Variants in MYH11 observed in about 807,000 individuals in gnomAD.
MYH11 encodes myosin heavy chain 11, also known as myosin-11.
A neutral mutation model predicts 246.6 loss-of-function variants in MYH11; 80 were observed. That is an observed-to-expected ratio of 0.32 (90% CI 0.27 to 0.39). MYH11 has a LOEUF of 0.39. MYH11 is among the 10% of genes least tolerant of loss of function. The pLI, the probability that MYH11 is intolerant of heterozygous loss-of-function variation, is 1.00. For missense variants in MYH11, 2,158 were observed against 2,546.8 expected (o/e 0.85, Z 3.29); for synonymous variants, 1,071 against 1,015.5 (o/e 1.05, Z -1.04).
chr16:15,738,893 A>G (rs760640042), intron 23 of MYH11, among the ~76,000 whole-genome samples: 30 of 152,096 alleles, frequency 2.0e-4, no homozygotes, highest in Non-Finnish European at 2.2e-4. Context: ...TTTGTCCCTC[A>G]TATTGTATGG....
chr16:15,758,047 T>A (rs145462027), intron 12 of MYH11, 47 bp from the exon 13 acceptor site: 1 of 1,611,734 alleles, frequency 6.2e-7, no homozygotes, highest in African/African-American at 1.3e-5. Flanking sequence ...TGGTATGAAG[T>A]CAGAAGACAA....
At chr16:15,833,200 G>T (rs2043790417) in intron 2 of MYH11, among the ~76,000 whole-genome samples, 1 of 151,702 alleles carries the variant, frequency 6.6e-6, no homozygotes, top group Non-Finnish European at 1.5e-5. Flanking sequence ...TAAGGAGACT[G>T]AGATAGGATC....
intron 4 of MYH11, among the ~76,000 whole-genome samples, chr16:15,795,612 A>C (rs1409584485): frequency 6.6e-6 from 1 of 152,224 alleles, no homozygotes; most frequent in Non-Finnish European, 1.5e-5. Context: ...ACTCCATCTC[A>C]AAAACAAACA....
In MYH11 at chr16:15,838,281, G is replaced by A. The variant is rs778639172; in HGVS notation, c.-17-12C>T. 6.2e-6 allele frequency: 10 copies of A among 1,605,862 alleles called. No homozygotes were observed. The highest frequency in any genetic ancestry group is 8.5e-6 in the Non-Finnish European group (10 of 1,173,298). On this transcript the variant is annotated splice_polypyrimidine_tract_variant and intron_variant, in intron 1 of 40. Transcript: ENST00000300036. ...GCCTTGTTGGTCCCCTGTGGAATAA[G>A]GTAACAGGGTCAGAATCAGACCACA...
At chr16:15,709,718 T>G (rs1286543613) in intron 40 of MYH11, among the ~76,000 whole-genome samples, 2 of 152,196 alleles carry the variant, frequency 1.3e-5, no homozygotes, top group African/African-American at 4.8e-5. Flanking sequence ...TAAAAGCATT[T>G]GAGCAAGCTA....
At chr16:15,849,067 C>T (rs2044268665) in intron 1 of MYH11, among the ~76,000 whole-genome samples, 1 of 152,198 alleles carries the variant, frequency 6.6e-6, no homozygotes, top group South Asian at 2.1e-4. Context: ...GAGCTGCTCT[C>T]AATGTTTTTG....
At chr16:15,817,218 G>A (rs933017411) in intron 3 of MYH11, among the ~76,000 whole-genome samples, 3 of 152,136 alleles carry the variant, frequency 2.0e-5, no homozygotes, top group African/African-American at 4.8e-5. Context: ...ACGGCCGGGC[G>A]CAGTGGCTCA....
rs2040355574 is a variant in MYH11, at chr16:15,719,568, G to A, written c.5082+17C>T. 1 of 1,613,644 alleles carries A rather than the reference G, an allele frequency of 6.2e-7. No individual in the cohort carries two copies. Among genetic ancestry groups the A allele is most frequent in the African/African-American group, 1.3e-5 (1 of 74,924 alleles). On this transcript the variant is annotated intron_variant, in intron 35 of 40. Transcript: ENST00000300036. ...GACACCCGCATCTGAGGCTCTCCTA[G>A]CAAGGCGAGGCTTTACCTCTTGTAG...
intron 1 of MYH11, among the ~76,000 whole-genome samples, chr16:15,846,702 T>C (rs2044198982): frequency 6.6e-6 from 1 of 152,134 alleles, no homozygotes; most frequent in African/African-American, 2.4e-5. Flanking sequence ...TGTTTTTTAA[T>C]TACCTGTGTG....
At chr16:15,745,570 TTTTC>T (rs1567722227) in intron 19 of MYH11, among the ~76,000 whole-genome samples, 18 of 146,754 alleles carry the variant, frequency 1.2e-4, no homozygotes, top group Middle Eastern at 3.5e-3. Flanking sequence ...GCTGTTTCTT[TTTTC>T]TTTCTTTCTT....
intron 10 of MYH11, 55 bp downstream of exon 10, chr16:15,763,741 T>TCGGCGGCCCCCCCCCCCCCC: frequency 1.5e-6 from 1 of 646,862 alleles, no homozygotes; most frequent in Non-Finnish European, 2.9e-6. Flanking sequence ...AAATGTCACC[T>TCGGCGGCCCCCCCCCCCCCC]CCCCCACCCC....
intron 1 of MYH11, among the ~76,000 whole-genome samples, chr16:15,843,023 C>G (rs1009295892): frequency 1.3e-5 from 2 of 152,046 alleles, no homozygotes; most frequent in African/African-American, 4.8e-5. Flanking sequence ...GGAAGAATTC[C>G]AGCGAATACA....
rs1489621279 is a variant in MYH11, at chr16:15,759,667, A to T, written c.1310T>A (p.Leu437His). Reference sequence around the variant, plus strand: ...GTCCAGGGCTTTGTTCACGCGGGTGAGTATCCAGCGGAAAAGGCGCTCATA... The same window carrying T: ...GTCCAGGGCTTTGTTCACGCGGGTGTGTATCCAGCGGAAAAGGCGCTCATA... ...ATYERLFRWI[L>H]TRVNKALDKT... The change falls in exon 12 of 41, where the codon CTC becomes CAC. Residue 437 changes from leucine (L) to histidine (H), a missense_variant. Physicochemically the swap from Leu to His is moderately conservative, Grantham distance 99. This residue lies in a region of MYH11 where 317 missense variants were observed against 507.7 expected (regional missense o/e 0.62). Coordinates refer to ENST00000300036, the MANE Select transcript of MYH11 (RefSeq NM_002474.3). 6.2e-7 allele frequency: 1 copy of T among 1,614,100 alleles called. No homozygotes were observed. Among genetic ancestry groups the T allele is most frequent in the African/African-American group, 1.3e-5 (1 of 74,938 alleles).
At chr16:15,788,077 C>CTATTTTTTTT in intron 4 of MYH11, among the ~76,000 whole-genome samples, 1 of 55,376 alleles carries the variant, frequency 1.8e-5, no homozygotes, top group Admixed American at 2.2e-4. Context: ...GAAGGTAGAT[C>CTATTTTTTTT]TTTTTTTTTT....
intron 37 of MYH11, chr16:15,717,619 A>G: frequency 1.8e-6 from 1 of 562,436 alleles, no homozygotes; most frequent in Non-Finnish European, 3.2e-6. Context: ...ACATGGTGAA[A>G]CCCCGTCTCT....
At chr16:15,842,399 G>A (rs1016405623) in intron 1 of MYH11, among the ~76,000 whole-genome samples, 1 of 151,736 alleles carries the variant, frequency 6.6e-6, no homozygotes. Context: ...TCAAAAAAAC[G>A]AAAAACAAAC....
chr16:15,714,650 CAGCCGG>C, intron 40 of MYH11: 1 of 583,790 alleles, frequency 1.7e-6, no homozygotes, highest in Non-Finnish European at 3.1e-6. Flanking sequence ...TCCTCCTCCT[CAGCCGG>C]AGGACCGGAT....
chr16:15,744,258 G>C (rs930712593), intron 20 of MYH11, among the ~76,000 whole-genome samples: 5 of 151,992 alleles, frequency 3.3e-5, no homozygotes, highest in Non-Finnish European at 5.9e-5. Flanking sequence ...ACAGTGGCGC[G>C]ATCTCAGCTC....
Position 15,802,375 on chromosome 16 carries a change from C to T in MYH11, c.503-3688G>A, listed in dbSNP as rs149654906. On this transcript the variant is annotated intron_variant, in intron 3 of 40. Transcript: ENST00000300036. The stretch of plus-strand genomic sequence containing the variant: ...GAGGTTCAGAAGTGAGGCAACTTGC[C>T]CAAGGTCACTAGGGTGGGTTGAACT... Among the ~76,000 whole-genome samples the T allele has an allele frequency of 1.2e-3, 188 of 152,222 alleles. 1 individual carries two copies. Among genetic ancestry groups the T allele is most frequent in the Non-Finnish European group, 2.4e-3 (162 of 68,020 alleles).
Sources: allele counts gnomAD v4.1 joint callset (sites outside exome capture counted in the v4.1 genomes callset), GRCh38; gene constraint gnomAD v4.1.1; regional missense constraint gnomAD v4.1.1; transcripts MANE v1.5; gene names NCBI Gene and HGNC (gene_info 2026-07-23, HGNC 2026-07-21).